Variants in HAPLN2 observed in about 807,000 individuals in gnomAD.
HAPLN2 encodes hyaluronan and proteoglycan link protein 2, also known as brain link protein-1.
A neutral mutation model predicts 29.3 loss-of-function variants in HAPLN2; 27 were observed. The observed-to-expected ratio is 0.92, with a 90% CI of 0.68 to 1.27. The LOEUF is 1.27. Among genes scored for constraint, HAPLN2 ranks in the 50% most tolerant of loss-of-function variants. HAPLN2 has a pLI of 0.00. For synonymous variants in HAPLN2, 208 were observed against 211.7 expected (o/e 0.98, Z 0.15); for missense variants, 454 against 484.3 (o/e 0.94, Z 0.59).
chr1:156,621,553 A>T (rs1174421664), intron 2 of HAPLN2, among the ~76,000 whole-genome samples: 1 of 151,606 alleles, frequency 6.6e-6, no homozygotes, highest in Admixed American at 6.6e-5. Flanking sequence ...CCTGGCCAAC[A>T]TGGTGAAACC....
At chr1:156,623,657 C>T in intron 3 of HAPLN2, 82 bp downstream of exon 3, 5 of 1,575,908 alleles carry the variant, frequency 3.2e-6, no homozygotes, top group Non-Finnish European at 4.3e-6. Context: ...GCAGTTGTTG[C>T]AGGTACCCAG....
chr1:156,612,320 G>A, the HAPLN2 span, among the ~76,000 whole-genome samples: 4 of 152,236 alleles, frequency 2.6e-5, no homozygotes, highest in East Asian at 1.9e-4. Context: ...CACCGCGCCC[G>A]CCAGTAAACA....
chr1:156,602,236 G>A, the HAPLN2 span, among the ~76,000 whole-genome samples: 2 of 152,006 alleles, frequency 1.3e-5, no homozygotes, highest in Admixed American at 1.3e-4. Context: ...CACCGTGACC[G>A]GCCTCATCAA....
chr1:156,621,102 A>T (rs892509294), intron 2 of HAPLN2, among the ~76,000 whole-genome samples: 9 of 126,086 alleles, frequency 7.1e-5, no homozygotes, highest in African/African-American at 2.7e-4. Context: ...AGAAGTCTTC[A>T]TTTTTTTTTT....
chr1:156,601,548 C>G, the HAPLN2 span: 3 of 1,303,216 alleles, frequency 2.3e-6, no homozygotes, highest in African/African-American at 4.4e-5. Context: ...ACGGTTTTTC[C>G]AGGAGAAACC....
the HAPLN2 span, among the ~76,000 whole-genome samples, chr1:156,611,586 CA>C: frequency 6.6e-6 from 1 of 151,804 alleles, no homozygotes. Flanking sequence ...AACAAAAAAA[CA>C]AAAAAACCCC....
upstream of HAPLN2, chr1:156,615,349 A>G (rs1678031158): frequency 6.6e-6 from 1 of 152,170 alleles, no homozygotes; most frequent in Admixed American, 6.5e-5. Context: ...GAGAGCGTCC[A>G]AATAAAGCAC....
chr1:156,625,573 G>A lies in HAPLN2; in HGVS notation c.*189G>A. The A allele has an allele frequency of 1.8e-6, 1 of 566,660 alleles. No individual in the cohort carries two copies. Among genetic ancestry groups the A allele is most frequent in the Non-Finnish European group, 2.9e-6 (1 of 346,072 alleles). The allele number at this position is 566,660 out of a possible 1,614,324, so 35.1% of individuals were successfully genotyped here. A position where few individuals can be genotyped will look rare whatever the true frequency, so the allele number is the denominator to read the frequency against. On this transcript the variant is annotated 3_prime_UTR_variant, in exon 7 of 7. Coordinates refer to ENST00000255039, the MANE Select transcript of HAPLN2 (RefSeq NM_021817.3). This position sits in a 1 kb window ranked among gnomAD's most constrained non-coding sequence, Gnocchi z 5.7. ...CCGGCGGCGGGGAGGGGAGGCGGGGGCGCCTCCGGCGGCGAGATGCAGAGG... is the reference window on the plus strand; with the variant it reads ...CCGGCGGCGGGGAGGGGAGGCGGGGACGCCTCCGGCGGCGAGATGCAGAGG...
the HAPLN2 span, among the ~76,000 whole-genome samples, chr1:156,613,494 G>T: frequency 5.3e-5 from 8 of 152,178 alleles, no homozygotes; most frequent in Non-Finnish European, 2.9e-5. Flanking sequence ...AGTTCTGCAG[G>T]TTAGCCTTTA....
In HAPLN2 at chr1:156,624,093, C is replaced by T. The variant is rs1678354687; in HGVS notation, c.372C>T (p.Gly124=). 6.2e-7 allele frequency: 1 copy of T among 1,613,676 alleles called. No homozygotes were observed. The highest frequency in any genetic ancestry group is 1.1e-5 in the South Asian group (1 of 91,066). ...CGGGCGTGCGCCTGGAGGACGAGGG[C>T]CGGTACCGCTGCGAGCTCATCAACG... ...VIAGVRLEDE[G]RYRCELINGI... The change falls in exon 4 of 7, where the codon GGC becomes GGT. Residue 124 remains glycine, a synonymous_variant. Transcript: ENST00000255039.
rs1678395250 is a variant in HAPLN2, at chr1:156,624,898, C to T, written c.739+115C>T. 1.3e-5 allele frequency: 16 copies of T among 1,268,792 alleles called. No homozygotes were observed. The South Asian group carries it at 2.5e-4, about 20-fold the overall frequency. 78.6% of individuals were successfully genotyped at this position (1,268,792 alleles called of 1,614,324 possible). Reference sequence around the variant, plus strand: ...GTCTCCGGGTCCCTCCAAGGCACCGCCCCCCCATCAGCCCGCCCGCCCGCC... The same window carrying T: ...GTCTCCGGGTCCCTCCAAGGCACCGTCCCCCCATCAGCCCGCCCGCCCGCC... On this transcript the variant is annotated intron_variant, in intron 6 of 6. Transcript: ENST00000255039.
chr1:156,608,373 C>A, the HAPLN2 span, among the ~76,000 whole-genome samples: 1 of 152,172 alleles, frequency 6.6e-6, no homozygotes, highest in Non-Finnish European at 1.5e-5. Flanking sequence ...TGACCTGCAT[C>A]CCTGTCCCTC....
the HAPLN2 span, among the ~76,000 whole-genome samples, chr1:156,611,810 A>T: frequency 6.6e-6 from 1 of 152,102 alleles, no homozygotes; most frequent in South Asian, 2.1e-4. Flanking sequence ...TTCCTTCGTT[A>T]GTAGGTAGCA....
At chr1:156,621,410 AT>A (rs57563950) in intron 2 of HAPLN2, among the ~76,000 whole-genome samples, 9,456 of 146,800 alleles carry the variant, frequency 0.064, 465 homozygotes, top group African/African-American at 0.14. Flanking sequence ...GCCCAGTCCA[AT>A]TTTTTTTTTT....
chr1:156,611,745 T>G, the HAPLN2 span, among the ~76,000 whole-genome samples: 1 of 152,232 alleles, frequency 6.6e-6, no homozygotes, highest in Non-Finnish European at 1.5e-5. Context: ...AATGTATTGA[T>G]TACTTTCTAT....
At chr1:156,602,937 A>G in the HAPLN2 span, among the ~76,000 whole-genome samples, 1 of 152,132 alleles carries the variant, frequency 6.6e-6, no homozygotes, top group Non-Finnish European at 1.5e-5. Context: ...AAACAGAAAA[A>G]TCGCCATTTC....
upstream of HAPLN2, among the ~76,000 whole-genome samples, chr1:156,617,385 C>T (rs1358978656): frequency 6.9e-6 from 1 of 145,172 alleles, no homozygotes; most frequent in African/African-American, 2.6e-5. Context: ...GTGTCTCACT[C>T]TGTTGCCCAG....
the HAPLN2 span, chr1:156,601,553 GAA>G: frequency 7.8e-7 from 1 of 1,278,164 alleles, no homozygotes; most frequent in Non-Finnish European, 1.1e-6. Flanking sequence ...TTTTCCAGGA[GAA>G]ACCATTGCGG....
At chr1:156,609,425 C>A in the HAPLN2 span, among the ~76,000 whole-genome samples, 1 of 152,184 alleles carries the variant, frequency 6.6e-6, no homozygotes, top group African/African-American at 2.4e-5. Flanking sequence ...ATTAAGGGGG[C>A]TTTTCACTTT....
Sources: allele counts gnomAD v4.1 joint callset (sites outside exome capture counted in the v4.1 genomes callset), GRCh38; gene constraint gnomAD v4.1.1; non-coding constraint Gnocchi (gnomAD v3.1); transcripts MANE v1.5; gene names NCBI Gene and HGNC (gene_info 2026-07-23, HGNC 2026-07-21).